GPHN: variants seen among roughly 807,000 people sequenced by gnomAD.
GPHN encodes the protein gephyrin.
Under a neutral mutation model 95.5 loss-of-function variants are expected in GPHN, and 17 were observed. The ratio of observed to expected loss-of-function variants is 0.18; its 90% CI spans 0.12 to 0.27. GPHN has a LOEUF of 0.27. GPHN is among the 10% of genes least tolerant of loss of function. The pLI is 1.00. For synonymous variants in GPHN, 320 were observed against 322.5 expected, an observed-to-expected ratio of 0.99 and a Z score of 0.08; for missense variants, 660 against 978.1, an observed-to-expected ratio of 0.67 and a Z score of 4.34.
At chr14:66,754,347 G>A (rs1003615851) in intron 2 of GPHN, among the ~76,000 whole-genome samples, 7 of 151,936 alleles carry the variant, frequency 4.6e-5, no homozygotes, top group African/African-American at 1.4e-4. Context: ...AAAACTGATA[G>A]TAATTTAATT....
At chr14:67,698,132 C>T in the GPHN span, among the ~76,000 whole-genome samples, 2 of 152,198 alleles carry the variant, frequency 1.3e-5, no homozygotes, top group African/African-American at 4.8e-5. Context: ...AAGTTGTATG[C>T]AGGGTCTATT....
At chr14:66,518,739 T>G (rs557523783) in intron 1 of GPHN, among the ~76,000 whole-genome samples, 1 of 152,086 alleles carries the variant, frequency 6.6e-6, no homozygotes. Flanking sequence ...GAATGGAAAG[T>G]TAAACACTGC....
chr14:67,232,477 C>T, the GPHN span, among the ~76,000 whole-genome samples: 1 of 152,160 alleles, frequency 6.6e-6, no homozygotes. Flanking sequence ...CTCAGAGCCA[C>T]CCAGTTAAGC....
the GPHN span, chr14:67,343,382 G>A: frequency 1.9e-6 from 3 of 1,611,670 alleles, no homozygotes; most frequent in Non-Finnish European, 2.5e-6. Flanking sequence ...CATGTTCAAT[G>A]GCATTTACAC....
chr14:66,606,312 C>T (rs1023424079), intron 1 of GPHN, among the ~76,000 whole-genome samples: 1 of 152,024 alleles, frequency 6.6e-6, no homozygotes, highest in Non-Finnish European at 1.5e-5. Context: ...GGGTGTATGG[C>T]TTTATTTCTG....
intron 17 of GPHN, among the ~76,000 whole-genome samples, chr14:67,139,940 C>T (rs1469435018): frequency 6.6e-6 from 1 of 152,104 alleles, no homozygotes; most frequent in Non-Finnish European, 1.5e-5. Context: ...TATCATTGAG[C>T]ATATTCTTTG....
the GPHN span, among the ~76,000 whole-genome samples, chr14:67,206,454 C>T: frequency 1.3e-5 from 2 of 151,946 alleles, no homozygotes; most frequent in African/African-American, 4.8e-5. Flanking sequence ...CAAGATTGTG[C>T]CATTGCACTC....
the GPHN span, among the ~76,000 whole-genome samples, chr14:67,371,903 A>G: frequency 9.9e-5 from 15 of 152,238 alleles, no homozygotes; most frequent in African/African-American, 3.4e-4. Context: ...AAATCCAACA[A>G]TGTATAAAAA....
intron 1 of GPHN, among the ~76,000 whole-genome samples, chr14:66,524,493 G>GT (rs1247664478): frequency 6.6e-6 from 1 of 151,942 alleles, no homozygotes; most frequent in Non-Finnish European, 1.5e-5. Flanking sequence ...CATTAATTTA[G>GT]TTTTTTAAAA....
chr14:66,595,587 T>G (rs1232474803), intron 1 of GPHN, among the ~76,000 whole-genome samples: 3 of 152,126 alleles, frequency 2.0e-5, no homozygotes, highest in Non-Finnish European at 4.4e-5. Flanking sequence ...TGTGGTGTGG[T>G]GGACAGCTCC....
chr14:66,639,808 T>G (rs981537262), intron 1 of GPHN, among the ~76,000 whole-genome samples: 13 of 152,088 alleles, frequency 8.5e-5, no homozygotes, highest in African/African-American at 2.9e-4. Context: ...TAAATTGATT[T>G]ATAAGTTTAT....
chr14:67,144,246 AAAAAATATATATATATATAT>A (rs1400758890), intron 18 of GPHN, among the ~76,000 whole-genome samples: 17 of 65,600 alleles, frequency 2.6e-4, no homozygotes, highest in Non-Finnish European at 4.4e-4. Flanking sequence ...TAAAAAAAAA[AAAAAATATATATATATATAT>A]ATATATATAT....
chr14:67,321,295 G>A, the GPHN span: 1 of 1,600,208 alleles, frequency 6.2e-7, no homozygotes, highest in Non-Finnish European at 8.6e-7. Flanking sequence ...TTTGAACTTA[G>A]AAGGAATGTC....
intron 9 of GPHN, among the ~76,000 whole-genome samples, chr14:66,970,456 AGT>A (rs1055817072): frequency 3.3e-5 from 5 of 152,168 alleles, no homozygotes; most frequent in African/African-American, 1.2e-4. Context: ...ATGTTTTCCT[AGT>A]AGTGTTAGTT....
chr14:67,029,697 A>G (rs991253769), intron 10 of GPHN, among the ~76,000 whole-genome samples: 3 of 152,256 alleles, frequency 2.0e-5, no homozygotes, highest in African/African-American at 7.2e-5. Flanking sequence ...TAGTGAAGAT[A>G]CATTAACTAG....
the GPHN span, chr14:67,270,963 G>A: frequency 6.6e-6 from 1 of 152,178 alleles, no homozygotes; most frequent in East Asian, 1.9e-4. Flanking sequence ...GCAGAAAGAT[G>A]GGATAGACAC....
At chr14:67,411,975 G>C in the GPHN span, 2 of 1,506,274 alleles carry the variant, frequency 1.3e-6, no homozygotes, top group Non-Finnish European at 1.8e-6. Context: ...CGCGTCGGCG[G>C]GGCCCCACCC....
At chr14:67,433,617 T>A in the GPHN span, among the ~76,000 whole-genome samples, 3 of 152,080 alleles carry the variant, frequency 2.0e-5, no homozygotes, top group African/African-American at 7.2e-5. Context: ...GGAGTATGAA[T>A]GGACAAAATA....
chr14:67,291,533 T>G, the GPHN span, among the ~76,000 whole-genome samples: 1 of 152,136 alleles, frequency 6.6e-6, no homozygotes. Flanking sequence ...TCTACCTGTC[T>G]GGGCCTCCCA....
Sources: allele counts gnomAD v4.1 joint callset (sites outside exome capture counted in the v4.1 genomes callset), GRCh38; gene constraint gnomAD v4.1.1; transcripts MANE v1.5; gene names NCBI Gene and HGNC (gene_info 2026-07-23, HGNC 2026-07-21).